The following DENND2D variants were observed in gnomAD, a reference collection of about 807,000 sequenced individuals.
DENND2D encodes DENN domain-containing protein 2D.
DENND2D carries 37 observed loss-of-function variants against 59.8 expected under a neutral mutation model. That is an observed-to-expected ratio of 0.62 (90% confidence interval 0.48 to 0.81). DENND2D has a LOEUF of 0.81. Ranked by LOEUF, DENND2D falls within the 40% of genes least tolerant of loss-of-function variation. The pLI is 0.00. For synonymous variants in DENND2D, 219 were observed against 211.3 expected (o/e 1.04, Z -0.31); for missense variants, 525 against 579.7 (o/e 0.91, Z 0.97).
chr1:111,192,119 A>G, intron 8 of DENND2D, 21 bp downstream of exon 8: 3 of 1,545,826 alleles, frequency 1.9e-6, no homozygotes, highest in Non-Finnish European at 2.6e-6. Context: ...CAAATCATGC[A>G]CTCTTCTTGC....
At position 111,186,505 on chromosome 1, in the gene DENND2D, A is replaced by G. The variant is rs1657258557; in HGVS notation, c.*1100T>C. On this transcript the variant is annotated 3_prime_UTR_variant, in exon 12 of 12. Transcript: ENST00000357640. ...AATTTAGGAACTTCTGAGGGCCACA[A>G]ATACACACATTAAAAAAGGTAGAAT... Among the ~76,000 whole-genome samples the G allele has an allele frequency of 6.6e-6, 1 of 152,134 alleles. No homozygotes were observed. Among genetic ancestry groups the G allele is most frequent in the South Asian group, 2.1e-4 (1 of 4,832 alleles).
chr1:111,199,329 A>C (rs1658568738), intron 2 of DENND2D, among the ~76,000 whole-genome samples: 1 of 152,184 alleles, frequency 6.6e-6, no homozygotes, highest in African/African-American at 2.4e-5. Context: ...GGGTGACTGA[A>C]AATGGGATTT....
chr1:111,201,383 A>C (rs999331145), upstream of DENND2D: 1 of 152,162 alleles, frequency 6.6e-6, no homozygotes, highest in Non-Finnish European at 1.5e-5. Context: ...TCCCCAGCAT[A>C]AGGTAGGGGA....
chr1:111,202,720 C>CACACACACACACACAT (rs1325806213), upstream of DENND2D, among the ~76,000 whole-genome samples: 124 of 151,904 alleles, frequency 8.2e-4, 1 homozygote, highest in African/African-American at 2.9e-3. Context: ...CACACACACA[C>CACACACACACACACAT]ACACACTCCC....
At position 111,192,151 on chromosome 1, in the gene DENND2D, G is replaced by A. The variant is rs759485695; in HGVS notation, c.961C>T (p.Pro321Ser). 1 of 1,606,144 alleles carries A rather than the reference G, an allele frequency of 6.2e-7. No individual in the cohort carries two copies. Among genetic ancestry groups the A allele is most frequent in the East Asian group, 2.2e-5 (1 of 44,800 alleles). Residue 321 changes from proline (P) to serine (S), a missense_variant, in exon 8 of 12, where the codon CCT (proline) becomes TCT (serine). By Grantham distance (74) the Pro-to-Ser change is moderately conservative. Coordinates refer to ENST00000357640, the MANE Select transcript of DENND2D (RefSeq NM_024901.5). ...MRFQQEVMDSPMEEVLLVNLC... is the reference protein window; with the variant it reads ...MRFQQEVMDSSMEEVLLVNLC... ...TTGCCACATCATACCTCTTCCATAG[G>A]GCTGTCCATGACCTCCTGCTGGAAG...
In DENND2D at chr1:111,186,165, C is replaced by CCT. The variant is rs1657246996; in HGVS notation, c.*1438_*1439dup. ...TTTAAGAAAGTACAGATTTCCAGGTCCTATCACTAGAGATGATTTGGTGTA... is the reference window on the plus strand; with the variant it reads ...TTTAAGAAAGTACAGATTTCCAGGTCCTCTATCACTAGAGATGATTTGGTGTA... On this transcript the variant is annotated 3_prime_UTR_variant, in exon 12 of 12. Transcript: ENST00000357640. 6.6e-6 allele frequency among the ~76,000 whole-genome samples: 1 copy of CCT among 152,140 alleles called. No individual in the cohort carries two copies. The highest frequency in any genetic ancestry group is 1.5e-5 in the Non-Finnish European group (1 of 68,008).
intron 2 of DENND2D, 142 bp downstream of exon 2, chr1:111,199,481 T>C: frequency 1.1e-6 from 1 of 902,108 alleles, no homozygotes; most frequent in Admixed American, 2.4e-5. Context: ...AAGAAGGAAA[T>C]GGAGAGCAGT....
chr1:111,197,542 C>T, intron 4 of DENND2D: 1 of 1,376,532 alleles, frequency 7.3e-7, no homozygotes, highest in South Asian at 1.7e-5. Context: ...GAGGAAAGCA[C>T]TGTAAAGGTG....
chr1:111,189,101 T>C, intron 9 of DENND2D, 111 bp downstream of exon 9: 5 of 1,278,400 alleles, frequency 3.9e-6, no homozygotes, highest in Non-Finnish European at 5.6e-6. Context: ...TTAGCACAGA[T>C]TCTCACTCAA....
intron 6 of DENND2D, 99 bp from the exon 7 acceptor site, chr1:111,194,825 C>T: frequency 1.5e-6 from 2 of 1,374,016 alleles, no homozygotes; most frequent in Non-Finnish European, 2.0e-6. Context: ...CTTCTGCCCC[C>T]AGGAGTGAAT....
intron 5 of DENND2D, 101 bp from the exon 6 acceptor site, chr1:111,196,157 G>C (rs542840021): frequency 7.0e-7 from 1 of 1,420,654 alleles, no homozygotes; most frequent in Admixed American, 2.5e-5. Context: ...TTCTCATACT[G>C]GTTCAGCTGA....
At chr1:111,192,735 T>A (rs1657894588) in intron 7 of DENND2D, among the ~76,000 whole-genome samples, 1 of 152,170 alleles carries the variant, frequency 6.6e-6, no homozygotes. Flanking sequence ...ACCCTGCTTT[T>A]AAGGAATTCA....
In DENND2D at chr1:111,197,270, A is replaced by G. The variant is rs1262586429; in HGVS notation, c.427-17T>C. ...GCCGGCAGGCTGGGGAGGGACAGAG[A>G]GGCTCCTTCAGTGCTGCAGCCTCCC... On this transcript the variant is annotated splice_polypyrimidine_tract_variant and intron_variant, in intron 4 of 11. Transcript: ENST00000357640. The G allele has an allele frequency of 5.0e-6, 8 of 1,606,038 alleles. No homozygotes were observed. The highest frequency in any genetic ancestry group is 6.8e-6 in the Non-Finnish European group (8 of 1,176,980).
Position 111,194,729 on chromosome 1 carries a change from G to T in DENND2D, c.646-3C>A, listed in dbSNP as rs1658060966. ...AGGGGCCGTGTCAGTGAAATGAACT[G>T]TGGGGAAACCAGAGAGAGAGAAGGT... On this transcript the variant is annotated splice_region_variant and splice_polypyrimidine_tract_variant and intron_variant, in intron 6 of 11. Transcript: ENST00000357640. 1.2e-6 allele frequency: 2 copies of T among 1,613,664 alleles called. No individual in the cohort carries two copies. Among genetic ancestry groups the T allele is most frequent in the African/African-American group, 2.7e-5 (2 of 74,886 alleles).
chr1:111,188,125 C>T lies in DENND2D; in HGVS notation c.1339+6G>A. On this transcript the variant is annotated splice_donor_region_variant and intron_variant, in intron 11 of 11. Transcript: ENST00000357640. ...GGGCTTAGACTGATGGGGACTGTTACTGTACCTGCAGGAGGATTCTTGCTC... is the reference window on the plus strand; with the variant it reads ...GGGCTTAGACTGATGGGGACTGTTATTGTACCTGCAGGAGGATTCTTGCTC... 1.2e-6 allele frequency: 2 copies of T among 1,614,106 alleles called. No homozygotes were observed. The highest frequency in any genetic ancestry group is 1.7e-6 in the Non-Finnish European group (2 of 1,179,996).
Position 111,194,614 on chromosome 1 carries a change from A to G in DENND2D, c.758T>C (p.Leu253Pro). The stretch of plus-strand genomic sequence containing the variant: ...CGCCAGGAAGATGATTTTTCTCTCC[A>G]GCACGGCAGAGGCAAAGATCTGAAG... ...QILQIFASAVLERKIIFLAEG... is the reference protein window; with the variant it reads ...QILQIFASAVPERKIIFLAEG... The change falls in exon 7 of 12, where the codon CTG (leucine) becomes CCG (proline). Residue 253 changes from leucine (L) to proline (P), a missense_variant. Physicochemically the swap from Leu to Pro is moderately conservative, Grantham distance 98. Transcript: ENST00000357640. 6.2e-7 allele frequency: 1 copy of G among 1,614,090 alleles called. No homozygotes were observed. Among genetic ancestry groups the G allele is most frequent in the Non-Finnish European group, 8.5e-7 (1 of 1,180,032 alleles).
At chr1:111,204,087 T>G, upstream of DENND2D, 1 of 103,654 alleles carries the variant, frequency 9.6e-6, no homozygotes, top group Non-Finnish European at 1.8e-5. Flanking sequence ...AGGCCTGGCC[T>G]CGCCGTCCCC....
At chr1:111,187,872 T>C (rs1280601206) in intron 11 of DENND2D, among the ~76,000 whole-genome samples, 191 bp from the exon 12 acceptor site, 3 of 152,180 alleles carry the variant, frequency 2.0e-5, no homozygotes, top group African/African-American at 7.2e-5. Flanking sequence ...AAACAGAGGA[T>C]ACTTAGCAGG....
chr1:111,194,487 C>G, intron 7 of DENND2D, 91 bp downstream of exon 7: 3 of 1,463,478 alleles, frequency 2.0e-6, no homozygotes, highest in Non-Finnish European at 2.8e-6. Context: ...ATGGACCCTA[C>G]AGCCCATTTT....
Sources: allele counts gnomAD v4.1 joint callset (sites outside exome capture counted in the v4.1 genomes callset), GRCh38; gene constraint gnomAD v4.1.1; transcripts MANE v1.5; gene names NCBI Gene and HGNC (gene_info 2026-07-23, HGNC 2026-07-21).